The following PTPRD variants were observed in gnomAD, a reference collection of about 807,000 sequenced individuals.
The protein encoded by PTPRD is receptor-type tyrosine-protein phosphatase delta.
Under a neutral mutation model 214.5 loss-of-function variants are expected in PTPRD, and 34 were observed. That is an observed-to-expected ratio of 0.16 (90% CI 0.12 to 0.21). PTPRD has a LOEUF of 0.21. Among genes scored for constraint, PTPRD ranks in the 10% least tolerant of loss-of-function variants. The pLI is 1.00. For missense variants in PTPRD, 2,545 were observed against 2,398.7 expected, an observed-to-expected ratio of 1.06 and a Z score of -1.27; for synonymous variants, 1,128 against 845.7, an observed-to-expected ratio of 1.33 and a Z score of -5.79.
At chr9:8,704,821 G>T (rs749878354) in intron 12 of PTPRD, among the ~76,000 whole-genome samples, 5 of 151,850 alleles carry the variant, frequency 3.3e-5, no homozygotes, top group Admixed American at 3.3e-4. Flanking sequence ...TACTTGGGAC[G>T]CTGAGGCAGG....
chr9:9,973,108 A>AGTCATTTCTC (rs1431650218), intron 4 of PTPRD, among the ~76,000 whole-genome samples: 2 of 152,008 alleles, frequency 1.3e-5, no homozygotes. Flanking sequence ...AGAAGGGAAT[A>AGTCATTTCTC]GTCATTTCTC....
chr9:8,592,529 T>A (rs1345105133), intron 14 of PTPRD, among the ~76,000 whole-genome samples: 1 of 152,166 alleles, frequency 6.6e-6, no homozygotes, highest in Admixed American at 6.6e-5. Context: ...ATCTTTCATT[T>A]TGATTACAGT....
chr9:10,353,520 C>G (rs899781694), intron 2 of PTPRD, among the ~76,000 whole-genome samples: 1 of 151,958 alleles, frequency 6.6e-6, no homozygotes, highest in African/African-American at 2.4e-5. Flanking sequence ...CTCCTGCCAA[C>G]CTCTGCATGG....
At chr9:8,898,283 T>C (rs1566897840) in intron 11 of PTPRD, among the ~76,000 whole-genome samples, 1 of 152,050 alleles carries the variant, frequency 6.6e-6, no homozygotes. Context: ...TTAAAATAAC[T>C]ATCTGAGAGC....
intron 11 of PTPRD, among the ~76,000 whole-genome samples, chr9:8,838,372 T>C (rs2097484544): frequency 6.6e-6 from 1 of 152,084 alleles, no homozygotes; most frequent in Admixed American, 6.5e-5. Flanking sequence ...ACCACAACCA[T>C]ATATCACTAG....
intron 30 of PTPRD, among the ~76,000 whole-genome samples, chr9:8,472,064 A>T (rs2096663373): frequency 6.6e-6 from 1 of 152,168 alleles, no homozygotes; most frequent in Admixed American, 6.6e-5. Flanking sequence ...TATAGCCTAT[A>T]AGGCTACAAG....
chr9:9,744,578 C>T (rs1006625265), intron 6 of PTPRD, among the ~76,000 whole-genome samples: 1 of 151,936 alleles, frequency 6.6e-6, no homozygotes, highest in Non-Finnish European at 1.5e-5. Context: ...TCTCTAATGA[C>T]ATAAGTGAAC....
At chr9:10,383,687 T>C (rs1003856029) in intron 2 of PTPRD, among the ~76,000 whole-genome samples, 1 of 151,806 alleles carries the variant, frequency 6.6e-6, no homozygotes, top group Non-Finnish European at 1.5e-5. Flanking sequence ...TAAGTAATAA[T>C]TCATCACAAA....
chr9:8,956,336 C>A (rs149890645), intron 11 of PTPRD, among the ~76,000 whole-genome samples: 1 of 152,036 alleles, frequency 6.6e-6, no homozygotes, highest in Non-Finnish European at 1.5e-5. Flanking sequence ...TAAAAACCAT[C>A]CACTTTGGAC....
chr9:9,751,910 G>T lies in PTPRD; in HGVS notation c.-326+14900C>A, dbSNP rs112167981. ...AGTGATATATAAAGCATGTCACACA[G>T]GATAAGCTCTTAATAAATTAATATT... On this transcript the variant is annotated intron_variant, in intron 6 of 45. Coordinates refer to ENST00000381196, the MANE Select transcript of PTPRD (RefSeq NM_002839.4). 6.1e-4 allele frequency among the ~76,000 whole-genome samples: 93 copies of T among 152,238 alleles called. 1 individual carries two copies. Among genetic ancestry groups the T allele is most frequent in the African/African-American group, 2.1e-3 (88 of 41,568 alleles).
chr9:9,191,803 A>G (rs2099935356), intron 9 of PTPRD, among the ~76,000 whole-genome samples: 2 of 152,102 alleles, frequency 1.3e-5, no homozygotes, highest in African/African-American at 4.8e-5. Flanking sequence ...CTCTAAATGC[A>G]AATAAAATAT....
chr9:8,581,132 G>T (rs1027403746), intron 14 of PTPRD, among the ~76,000 whole-genome samples: 1 of 151,990 alleles, frequency 6.6e-6, no homozygotes, highest in African/African-American at 2.4e-5. Flanking sequence ...CTGGAAGCTG[G>T]AACAGAGAGT....
Position 10,564,595 on chromosome 9 carries a change from G to T in PTPRD, c.-600+47803C>A, listed in dbSNP as rs1322177527. Among the ~76,000 whole-genome samples the T allele has an allele frequency of 2.0e-5, 3 of 152,042 alleles. No homozygotes were observed. In the East Asian group the frequency reaches 5.8e-4, roughly 29 times the overall value. ...TAGAGCATTTCTAGCCTCAATGGAGGCAACATCCCTGTTGAATCCATGGCT... is the reference window on the plus strand; with the variant it reads ...TAGAGCATTTCTAGCCTCAATGGAGTCAACATCCCTGTTGAATCCATGGCT... On this transcript the variant is annotated intron_variant, in intron 2 of 45. Transcript: ENST00000381196.
At chr9:8,606,857 C>CTGT (rs2095242355) in intron 14 of PTPRD, among the ~76,000 whole-genome samples, 1 of 152,166 alleles carries the variant, frequency 6.6e-6, no homozygotes, top group South Asian at 2.1e-4. Context: ...ATAAATGAAT[C>CTGT]CAGGATCTGT....
At chr9:10,117,095 T>C (rs1388823621) in intron 3 of PTPRD, among the ~76,000 whole-genome samples, 1 of 152,154 alleles carries the variant, frequency 6.6e-6, no homozygotes, top group East Asian at 1.9e-4. Context: ...AGAGCAGGAA[T>C]TTGTATCTTC....
At chr9:10,254,744 T>C (rs768788688) in intron 3 of PTPRD, among the ~76,000 whole-genome samples, 4 of 152,188 alleles carry the variant, frequency 2.6e-5, no homozygotes. Flanking sequence ...GACATGATTT[T>C]CTGTCCTGCT....
At chr9:10,090,919 T>TACACACACACACAC (rs1162698970) in intron 3 of PTPRD, among the ~76,000 whole-genome samples, 3 of 99,590 alleles carry the variant, frequency 3.0e-5, no homozygotes, top group South Asian at 3.1e-4. Context: ...AAATGAAATA[T>TACACACACACACAC]ACACACACAC....
intron 9 of PTPRD, among the ~76,000 whole-genome samples, chr9:9,369,447 G>C (rs2058822573): frequency 6.6e-6 from 1 of 151,996 alleles, no homozygotes; most frequent in Non-Finnish European, 1.5e-5. Flanking sequence ...CCCACTTTTT[G>C]GTGGGGTTGT....
chr9:9,541,520 C>T (rs2077583726), intron 8 of PTPRD, among the ~76,000 whole-genome samples: 1 of 151,790 alleles, frequency 6.6e-6, no homozygotes, highest in South Asian at 2.1e-4. Context: ...CTGAGGAATG[C>T]AAATGTTTAA....
Sources: gnomAD v4.1 joint callset for allele counts (sites outside exome capture counted in the v4.1 genomes callset) on GRCh38, gnomAD v4.1.1 for gene constraint, MANE v1.5 for transcripts, NCBI Gene and HGNC (gene_info 2026-07-23, HGNC 2026-07-21) for gene names.